BAZ2B: variants seen among roughly 807,000 people sequenced by gnomAD.
BAZ2B encodes the protein bromodomain adjacent to zinc finger domain 2B, also known as bromodomain adjacent to zinc finger domain protein 2B.
A neutral mutation model predicts 246.0 loss-of-function variants in BAZ2B; 91 were observed. The observed-to-expected ratio is 0.37, with a 90% CI of 0.31 to 0.44. The LOEUF is 0.44. BAZ2B is among the 20% of genes least tolerant of loss of function. The pLI is 1.00. For synonymous variants in BAZ2B, 855 were observed against 860.0 expected (o/e 0.99, Z 0.10); for missense variants, 2,332 against 2,533.7 (o/e 0.92, Z 1.71).
At chr2:159,691,923 A>T in the BAZ2B span, among the ~76,000 whole-genome samples, 4 of 152,250 alleles carry the variant, frequency 2.6e-5, no homozygotes, top group Admixed American at 2.6e-4. Context: ...TTACTACAGC[A>T]GTACAACGTG....
At chr2:159,359,540 G>T (rs1044200518) in intron 27 of BAZ2B, among the ~76,000 whole-genome samples, 2 of 152,182 alleles carry the variant, frequency 1.3e-5, no homozygotes, top group Non-Finnish European at 2.9e-5. Context: ...AAAGCGAGCT[G>T]CTACCATTCC....
chr2:159,339,256 G>A (rs192883753), intron 31 of BAZ2B, among the ~76,000 whole-genome samples: 1 of 151,954 alleles, frequency 6.6e-6, no homozygotes, highest in African/African-American at 2.4e-5. Context: ...ATAAATATAC[G>A]GCACTGAGAC....
the BAZ2B span, among the ~76,000 whole-genome samples, chr2:159,666,541 T>C: frequency 6.6e-6 from 1 of 152,142 alleles, no homozygotes; most frequent in African/African-American, 2.4e-5. Flanking sequence ...ATTACAGGCA[T>C]GTGCAACCAT....
the BAZ2B span, among the ~76,000 whole-genome samples, chr2:159,663,855 C>CTT: frequency 1.5e-3 from 139 of 92,456 alleles, 2 homozygotes; most frequent in East Asian, 0.014. Context: ...AAACCATTTT[C>CTT]TTTTTTTTTT....
the BAZ2B span, among the ~76,000 whole-genome samples, chr2:159,643,876 C>CAAAA: frequency 2.9e-4 from 19 of 65,870 alleles, no homozygotes; most frequent in African/African-American, 4.8e-4. Flanking sequence ...AACTCCATCA[C>CAAAA]AAAAAAAAAA....
chr2:159,613,412 G>A (rs1329686046), intron 1 of BAZ2B, among the ~76,000 whole-genome samples: 1 of 143,718 alleles, frequency 7.0e-6, no homozygotes, highest in Non-Finnish European at 1.5e-5. Flanking sequence ...ACAATATTAA[G>A]TTCTCATAAA....
chr2:159,429,149 T>A (rs10754963), intron 11 of BAZ2B, 51 bp downstream of exon 11: 546,317 of 1,237,694 alleles, frequency 0.44, 125,099 homozygotes, highest in Non-Finnish European at 0.48. Flanking sequence ...TACATCAAAC[T>A]TGCATAAATA....
intron 34 of BAZ2B, among the ~76,000 whole-genome samples, chr2:159,332,008 T>A (rs1208695565): frequency 1.3e-5 from 2 of 152,088 alleles, no homozygotes; most frequent in African/African-American, 4.8e-5. Context: ...GACAGATGGA[T>A]GTTTGAAGTG....
intron 2 of BAZ2B, among the ~76,000 whole-genome samples, chr2:159,502,168 T>A (rs2081913446): frequency 6.6e-6 from 1 of 151,900 alleles, no homozygotes; most frequent in African/African-American, 2.4e-5. Context: ...TGGGGGAAAA[T>A]GAAGAGTGAC....
At chr2:159,406,268 G>C (rs1224940803) in intron 14 of BAZ2B, among the ~76,000 whole-genome samples, 1 of 152,206 alleles carries the variant, frequency 6.6e-6, no homozygotes, top group East Asian at 1.9e-4. Flanking sequence ...CTTTGCCCAA[G>C]ACTGAAGATA....
intron 1 of BAZ2B, among the ~76,000 whole-genome samples, chr2:159,580,676 C>T (rs1422524675): frequency 1.3e-5 from 2 of 152,166 alleles, no homozygotes; most frequent in East Asian, 3.8e-4. Context: ...TACTGCAAGG[C>T]TACAGTAACC....
At position 159,374,144 on chromosome 2, in the gene BAZ2B, A is replaced by G. The variant is rs976961850; in HGVS notation, c.4068+547T>C. Among the ~76,000 whole-genome samples the G allele has an allele frequency of 6.6e-5, 10 of 151,068 alleles. No individual in the cohort carries two copies. The East Asian group carries it at 1.8e-3, about 26-fold the overall frequency. On this transcript the variant is annotated intron_variant, in intron 26 of 36. Transcript: ENST00000392783. ...AGGCTTTTCTCAAACTCCTGGGCTC[A>G]AACGATCCTCTCACCTCAGCCTCCC...
chr2:159,635,444 T>C, the BAZ2B span, among the ~76,000 whole-genome samples: 1 of 152,094 alleles, frequency 6.6e-6, no homozygotes, highest in African/African-American at 2.4e-5. Flanking sequence ...AAATTAATGA[T>C]GAGTCTCAAG....
intron 1 of BAZ2B, among the ~76,000 whole-genome samples, chr2:159,601,450 C>T (rs545289461): frequency 1.4e-5 from 2 of 146,556 alleles, no homozygotes; most frequent in East Asian, 4.0e-4. Flanking sequence ...AGGCTGGGTG[C>T]GGTGGCTCAC....
the BAZ2B span, among the ~76,000 whole-genome samples, chr2:159,688,730 CTT>C: frequency 2.0e-5 from 3 of 152,234 alleles, no homozygotes; most frequent in Non-Finnish European, 2.9e-5. Flanking sequence ...ATTCTTCAGT[CTT>C]TGTTTTTCAT....
At chr2:159,487,281 A>G (rs757570686) in intron 2 of BAZ2B, among the ~76,000 whole-genome samples, 3 of 152,198 alleles carry the variant, frequency 2.0e-5, no homozygotes, top group Non-Finnish European at 2.9e-5. Context: ...GCTCTGGCCC[A>G]CATACCAACT....
At chr2:159,708,446 T>C in the BAZ2B span, among the ~76,000 whole-genome samples, 6 of 152,208 alleles carry the variant, frequency 3.9e-5, no homozygotes, top group Admixed American at 2.6e-4. Flanking sequence ...AGGAATGATC[T>C]TTCTAGAAGC....
chr2:159,614,105 G>T (rs1695318184), intron 1 of BAZ2B, among the ~76,000 whole-genome samples: 1 of 152,100 alleles, frequency 6.6e-6, no homozygotes, highest in Admixed American at 6.5e-5. Flanking sequence ...TAAATATGCT[G>T]ACTGAAAATG....
In BAZ2B at chr2:159,514,320, C is replaced by T. The variant is rs529111833; in HGVS notation, c.-2-35599G>A. Among the ~76,000 whole-genome samples the T allele has an allele frequency of 3.9e-5, 6 of 152,210 alleles. No individual in the cohort carries two copies. In the South Asian group the frequency reaches 8.3e-4, roughly 21 times the overall value. ...CAATACATTGGATATCTCTCCTTTG[C>T]GTCACCTTTAGCATTCTGTACTGAC... On this transcript the variant is annotated intron_variant, in intron 2 of 36. Coordinates refer to ENST00000392783, the MANE Select transcript of BAZ2B (RefSeq NM_013450.4).
Sources: gnomAD v4.1 joint callset for allele counts (sites outside exome capture counted in the v4.1 genomes callset) on GRCh38, gnomAD v4.1.1 for gene constraint, MANE v1.5 for transcripts, NCBI Gene and HGNC (gene_info 2026-07-23, HGNC 2026-07-21) for gene names.